The following SOX5 variants were observed in gnomAD, a reference collection of about 807,000 sequenced individuals.
SOX5 encodes the protein SRY-box transcription factor 5.
SOX5 carries 9 observed loss-of-function variants against 92.0 expected under a neutral mutation model. The ratio of observed to expected loss-of-function variants is 0.10; its 90% CI spans 0.06 to 0.17. The LOEUF is 0.17. Ranked by LOEUF, SOX5 falls within the 10% of genes least tolerant of loss-of-function variation. The probability of loss-of-function intolerance (pLI) is 1.00; values close to 1 mark genes in which losing one functional copy is unlikely to be tolerated. For missense variants in SOX5, 642 were observed against 944.5 expected (o/e 0.68, Z 4.20); for synonymous variants, 344 against 336.3 (o/e 1.02, Z -0.25).
intron 2 of SOX5, among the ~76,000 whole-genome samples, chr12:24,298,048 G>T (rs1229912063): frequency 6.6e-6 from 1 of 151,910 alleles, no homozygotes; most frequent in Admixed American, 6.6e-5. Flanking sequence ...ATTACATTAT[G>T]TTCTTATTCC....
chr12:23,784,624 C>A (rs897347644), intron 3 of SOX5, among the ~76,000 whole-genome samples: 5 of 152,046 alleles, frequency 3.3e-5, no homozygotes, highest in African/African-American at 1.2e-4. Context: ...ACATGCCTGG[C>A]CGATATATTT....
At chr12:24,336,275 A>G (rs1032950277) in intron 2 of SOX5, among the ~76,000 whole-genome samples, 2 of 151,788 alleles carry the variant, frequency 1.3e-5, no homozygotes, top group African/African-American at 4.8e-5. Flanking sequence ...TTGTATTTTT[A>G]GTAGAGACGG....
At chr12:23,733,524 G>T (rs1230044134) in intron 6 of SOX5, among the ~76,000 whole-genome samples, 1 of 152,070 alleles carries the variant, frequency 6.6e-6, no homozygotes, top group African/African-American at 2.4e-5. Context: ...ACATCTCACT[G>T]AACTTCCACT....
rs1162338737 is a variant in SOX5 at position 24,218,004 on chromosome 12, G to A, written c.-76-4587C>T. On this transcript the variant is annotated intron_variant, in intron 3 of 4. Transcript: ENST00000446891. ...GCACTGGTGAGGCTATAGAGACGTGGGAACGCTCATAGATTGCTGGTGGAA... is the reference window on the plus strand; with the variant it reads ...GCACTGGTGAGGCTATAGAGACGTGAGAACGCTCATAGATTGCTGGTGGAA... Among the ~76,000 whole-genome samples the A allele has an allele frequency of 3.9e-5, 6 of 152,282 alleles. No individual in the cohort carries two copies. In the East Asian group the frequency reaches 7.7e-4, roughly 20 times the overall value.
chr12:24,186,967 C>T (rs1481372757), intron 4 of SOX5, among the ~76,000 whole-genome samples: 1 of 151,688 alleles, frequency 6.6e-6, no homozygotes, highest in Admixed American at 6.6e-5. Flanking sequence ...GTGAAAATGT[C>T]AATGAAATTC....
At chr12:23,575,071 T>A (rs4963704) in intron 10 of SOX5, among the ~76,000 whole-genome samples, 10,542 of 152,312 alleles carry the variant, frequency 0.069, 520 homozygotes, top group South Asian at 0.11. Context: ...GATTTATGTA[T>A]GCTGAAATTA....
intron 2 of SOX5, among the ~76,000 whole-genome samples, chr12:24,289,342 C>T (rs1245297769): frequency 6.6e-6 from 1 of 151,962 alleles, no homozygotes; most frequent in Non-Finnish European, 1.5e-5. Flanking sequence ...CATAAAAATA[C>T]AAATTTCCAT....
chr12:23,703,155 T>C (rs1296613644), intron 6 of SOX5, among the ~76,000 whole-genome samples: 3 of 152,048 alleles, frequency 2.0e-5, no homozygotes, highest in Non-Finnish European at 4.4e-5. Flanking sequence ...AATTAGCATA[T>C]GTAGTGTGAA....
At chr12:24,382,796 A>G (rs1383333637) in intron 1 of SOX5, among the ~76,000 whole-genome samples, 1 of 83,010 alleles carries the variant, frequency 1.2e-5, no homozygotes, top group Admixed American at 1.4e-4. Context: ...AGTAAAAGCA[A>G]AAGAGAGGAG....
intron 2 of SOX5, among the ~76,000 whole-genome samples, chr12:24,279,837 G>A (rs1944946701): frequency 6.6e-6 from 1 of 152,166 alleles, no homozygotes; most frequent in Admixed American, 6.6e-5. Context: ...TAACTAGGCT[G>A]AAATTTGTTT....
At chr12:24,558,114 A>G (rs1203695859) in intron 1 of SOX5, among the ~76,000 whole-genome samples, 1 of 152,224 alleles carries the variant, frequency 6.6e-6, no homozygotes, top group Non-Finnish European at 1.5e-5. Flanking sequence ...TTAGACGATC[A>G]TAATAAACTG....
intron 1 of SOX5, among the ~76,000 whole-genome samples, chr12:23,908,625 C>T (rs992775301): frequency 2.0e-5 from 3 of 151,714 alleles, no homozygotes; most frequent in African/African-American, 7.3e-5. Context: ...ATGTGAGAGA[C>T]AGGCATACTA....
chr12:24,378,226 A>G (rs1432355385), intron 1 of SOX5, among the ~76,000 whole-genome samples: 1 of 152,218 alleles, frequency 6.6e-6, no homozygotes, highest in African/African-American at 2.4e-5. Context: ...GATACTTTTC[A>G]AAGTTTCTCA....
At chr12:24,052,942 C>A (rs1957703571) in intron 4 of SOX5, among the ~76,000 whole-genome samples, 1 of 152,144 alleles carries the variant, frequency 6.6e-6, no homozygotes, top group Non-Finnish European at 1.5e-5. Context: ...CCAATAAAAT[C>A]TCCTCAGTCA....
intron 8 of SOX5, among the ~76,000 whole-genome samples, chr12:23,610,626 A>C (rs770152871): frequency 2.2e-4 from 34 of 152,176 alleles, no homozygotes; most frequent in Non-Finnish European, 4.9e-4. Context: ...TTTAAAATCC[A>C]AAATGAATTT....
intron 1 of SOX5, among the ~76,000 whole-genome samples, chr12:23,946,642 G>A (rs1026567605): frequency 1.3e-5 from 2 of 151,718 alleles, no homozygotes; most frequent in Non-Finnish European, 2.9e-5. Flanking sequence ...TTAAAAATGT[G>A]GGGAGACTTC....
intron 3 of SOX5, among the ~76,000 whole-genome samples, chr12:23,824,065 T>C (rs1165898003): frequency 6.6e-6 from 1 of 152,222 alleles, no homozygotes; most frequent in Non-Finnish European, 1.5e-5. Flanking sequence ...TAGAACATGC[T>C]CCTTTAGTTT....
chr12:24,100,306 C>G (rs1209729674), intron 4 of SOX5, among the ~76,000 whole-genome samples: 1 of 152,130 alleles, frequency 6.6e-6, no homozygotes, highest in Non-Finnish European at 1.5e-5. Context: ...CCACCCAACT[C>G]TTTCTTAAAT....
chr12:23,844,853 T>C (rs1255949303), intron 3 of SOX5, among the ~76,000 whole-genome samples: 2 of 152,198 alleles, frequency 1.3e-5, no homozygotes, highest in African/African-American at 4.8e-5. Flanking sequence ...TGGATCCCCC[T>C]CAACACTGCA....
Sources: gnomAD v4.1 joint callset for allele counts (sites outside exome capture counted in the v4.1 genomes callset) on GRCh38, gnomAD v4.1.1 for gene constraint, MANE v1.5 for transcripts, NCBI Gene and HGNC (gene_info 2026-07-23, HGNC 2026-07-21) for gene names.